Variants in RIMS4 observed in about 807,000 individuals in gnomAD.
RIMS4 encodes regulating synaptic membrane exocytosis protein 4.
In RIMS4, 9 loss-of-function variants were observed where a neutral mutation model predicts 29.0. That is an observed-to-expected ratio of 0.31 (90% CI 0.19 to 0.54). The LOEUF (loss-of-function observed/expected upper bound fraction) is 0.54. RIMS4 is among the 20% of genes least tolerant of loss of function. The pLI, the probability that RIMS4 is intolerant of heterozygous loss-of-function variation, is 0.94. For missense variants in RIMS4, 193 were observed against 365.7 expected (o/e 0.53, Z 3.85); for synonymous variants, 130 against 152.9 (o/e 0.85, Z 1.10).
intron 1 of RIMS4, among the ~76,000 whole-genome samples, chr20:44,787,651 T>C (rs1032851392): frequency 6.6e-6 from 1 of 151,174 alleles, no homozygotes; most frequent in African/African-American, 2.4e-5. Context: ...TTTGAAAATC[T>C]GCTGGGAGCT....
chr20:44,796,599 G>T (rs1163911002), intron 1 of RIMS4, among the ~76,000 whole-genome samples: 1 of 152,212 alleles, frequency 6.6e-6, no homozygotes, highest in South Asian at 2.1e-4. Context: ...AGGAGAAGGA[G>T]AAAAGCAAAG....
chr20:44,781,082 A>G (rs984051608), intron 1 of RIMS4, among the ~76,000 whole-genome samples: 3 of 152,200 alleles, frequency 2.0e-5, no homozygotes, highest in African/African-American at 7.2e-5. Flanking sequence ...TTTGAATAAG[A>G]TACAGTCTTT....
At chr20:44,802,856 C>A (rs1409061246) in intron 1 of RIMS4, among the ~76,000 whole-genome samples, 1 of 152,176 alleles carries the variant, frequency 6.6e-6, no homozygotes, top group Admixed American at 6.5e-5. Flanking sequence ...TCATCTCTAG[C>A]CACACTGGTC....
At chr20:44,791,072 G>A (rs1191777414) in intron 1 of RIMS4, among the ~76,000 whole-genome samples, 1 of 152,220 alleles carries the variant, frequency 6.6e-6, no homozygotes, top group Non-Finnish European at 1.5e-5. Flanking sequence ...GTGGAGACTG[G>A]CCTGTGAAGG....
At chr20:44,786,253 T>G (rs1170253669) in intron 1 of RIMS4, among the ~76,000 whole-genome samples, 1 of 152,154 alleles carries the variant, frequency 6.6e-6, no homozygotes, top group Non-Finnish European at 1.5e-5. Flanking sequence ...ACCCAGCCTC[T>G]GAGGGAGGGG....
At chr20:44,797,014 T>G (rs569882218) in intron 1 of RIMS4, among the ~76,000 whole-genome samples, 1 of 152,362 alleles carries the variant, frequency 6.6e-6, no homozygotes, top group African/African-American at 2.4e-5. Flanking sequence ...TGCATTTCTC[T>G]GCCTGAGGGC....
At chr20:44,808,396 G>A (rs938540445) in intron 1 of RIMS4, among the ~76,000 whole-genome samples, 8 of 152,158 alleles carry the variant, frequency 5.3e-5, no homozygotes, top group Admixed American at 6.5e-5. Context: ...GCATGACTTT[G>A]AAGAAAAACT....
intron 1 of RIMS4, among the ~76,000 whole-genome samples, chr20:44,787,468 G>A (rs1263230098): frequency 6.6e-6 from 1 of 152,134 alleles, no homozygotes; most frequent in Non-Finnish European, 1.5e-5. Flanking sequence ...TATAGATAGG[G>A]AAGCTGAGGT....
At chr20:44,785,162 C>T (rs2066202413) in intron 1 of RIMS4, among the ~76,000 whole-genome samples, 1 of 152,034 alleles carries the variant, frequency 6.6e-6, no homozygotes, top group South Asian at 2.1e-4. Flanking sequence ...GACCTGCCAG[C>T]ACATACACAC....
chr20:44,791,131 T>C (rs2066230557), intron 1 of RIMS4, among the ~76,000 whole-genome samples: 1 of 152,234 alleles, frequency 6.6e-6, no homozygotes. Context: ...CAAACTAGTA[T>C]TACAGCATGA....
intron 1 of RIMS4, among the ~76,000 whole-genome samples, chr20:44,800,629 C>T (rs1024359258): frequency 6.6e-6 from 1 of 151,914 alleles, no homozygotes; most frequent in Admixed American, 6.6e-5. Flanking sequence ...CTAGGGGCTA[C>T]CGCAGAGTCA....
intron 1 of RIMS4, among the ~76,000 whole-genome samples, chr20:44,792,152 G>A (rs1210021704): frequency 2.0e-5 from 3 of 152,088 alleles, no homozygotes; most frequent in Non-Finnish European, 4.4e-5. Flanking sequence ...CATAACTTCA[G>A]TGCCCAGCAC....
rs139610714 is a variant in RIMS4 at position 44,799,868 on chromosome 20, G to A, written c.97+10307C>T. On this transcript the variant is annotated intron_variant, in intron 1 of 5. Coordinates refer to ENST00000372851, the MANE Select transcript of RIMS4 (RefSeq NM_182970.4). ...GATAGCCACAGTAGATGACCTCAGA[G>A]GGACTTTCAACTAAAATAATGACAG... Among the ~76,000 whole-genome samples, 245 of 152,330 alleles carry A rather than the reference G, an allele frequency of 1.6e-3. 3 individuals are homozygous for A. The highest frequency in any genetic ancestry group is 8.5e-3 in the South Asian group (41 of 4,828).
At chr20:44,758,825 G>A (rs1270872955) in intron 2 of RIMS4, among the ~76,000 whole-genome samples, 1 of 152,152 alleles carries the variant, frequency 6.6e-6, no homozygotes, top group East Asian at 1.9e-4. Context: ...CACCAGACTT[G>A]AGCCTGAGAT....
At chr20:44,761,233 C>A (rs1289498655) in intron 2 of RIMS4, among the ~76,000 whole-genome samples, 2 of 152,170 alleles carry the variant, frequency 1.3e-5, no homozygotes, top group Non-Finnish European at 2.9e-5. Flanking sequence ...CTCACAACAA[C>A]CCCATGAGGT....
At chr20:44,798,624 C>A (rs919923444) in intron 1 of RIMS4, among the ~76,000 whole-genome samples, 2 of 152,220 alleles carry the variant, frequency 1.3e-5, no homozygotes, top group Non-Finnish European at 2.9e-5. Flanking sequence ...CTCACAGCTG[C>A]CCCATCTTTG....
intron 1 of RIMS4, among the ~76,000 whole-genome samples, chr20:44,772,080 A>G (rs1428077407): frequency 6.6e-6 from 1 of 152,172 alleles, no homozygotes; most frequent in African/African-American, 2.4e-5. Flanking sequence ...CAAATTACTC[A>G]GCCTCTGTGT....
In RIMS4 at chr20:44,752,809, T is replaced by A. The variant is rs2066040110; in HGVS notation, c.*3325A>T. ...GGTGTTTCCTAACTCTCCCTCCAGT[T>A]GGTCCTGAAGAGGCTATGGCCCCTT... On this transcript the variant is annotated 3_prime_UTR_variant, in exon 6 of 6. Transcript: ENST00000372851. 6.6e-6 allele frequency: 1 copy of A among 152,480 alleles called. No individual in the cohort carries two copies. The allele number at this position is 152,480 out of a possible 1,614,324, so 9.4% of individuals were successfully genotyped here. A position where few individuals can be genotyped will look rare whatever the true frequency, so the allele number is the denominator to read the frequency against.
In RIMS4 at chr20:44,753,456, A is replaced by C. The variant is rs2066043912; in HGVS notation, c.*2678T>G. On this transcript the variant is annotated 3_prime_UTR_variant, in exon 6 of 6. Coordinates refer to ENST00000372851, the MANE Select transcript of RIMS4 (RefSeq NM_182970.4). Reference sequence around the variant, plus strand: ...AGGGGGTTCTGGAGAAGGAGAGTGGAGATGGCTCCTTCCCATGGTATCCTG... The same window carrying C: ...AGGGGGTTCTGGAGAAGGAGAGTGGCGATGGCTCCTTCCCATGGTATCCTG... 6.6e-6 allele frequency: 1 copy of C among 152,196 alleles called. No homozygotes were observed. Among genetic ancestry groups the C allele is most frequent in the Admixed American group, 6.5e-5 (1 of 15,284 alleles). The allele number at this position is 152,196 out of a possible 1,614,324, so 9.4% of individuals were successfully genotyped here. A position where few individuals can be genotyped will look rare whatever the true frequency, so the allele number is the denominator to read the frequency against.
Sources: allele counts gnomAD v4.1 joint callset (sites outside exome capture counted in the v4.1 genomes callset), GRCh38; gene constraint gnomAD v4.1.1; transcripts MANE v1.5; gene names NCBI Gene and HGNC (gene_info 2026-07-23, HGNC 2026-07-21).